Variants in EPG5 observed in about 807,000 individuals in gnomAD.
The protein encoded by EPG5 is ectopic P granules protein 5 homolog.
Under a neutral mutation model 302.7 loss-of-function variants are expected in EPG5, and 159 were observed. The ratio of observed to expected loss-of-function variants is 0.53; its 90% CI spans 0.46 to 0.60. The LOEUF (loss-of-function observed/expected upper bound fraction) is 0.60, where lower values mean the gene tolerates loss of function less well. Among genes scored for constraint, EPG5 ranks in the 20% least tolerant of loss-of-function variants. The probability of loss-of-function intolerance (pLI) is 0.00; values close to 1 mark genes in which losing one functional copy is unlikely to be tolerated. For synonymous variants in EPG5, 1,158 were observed against 1,136.8 expected, an observed-to-expected ratio of 1.02 and a Z score of -0.37; for missense variants, 2,896 against 3,092.4, an observed-to-expected ratio of 0.94 and a Z score of 1.51.
chr18:45,922,305 G>C, intron 16 of EPG5, 36 bp downstream of exon 16: 3 of 1,605,384 alleles, frequency 1.9e-6, no homozygotes, highest in Non-Finnish European at 2.6e-6. Flanking sequence ...TATCTGCAAG[G>C]TTCAGTAACC....
chr18:45,853,054 C>T (rs1046647740), intron 43 of EPG5, among the ~76,000 whole-genome samples: 4 of 152,242 alleles, frequency 2.6e-5, no homozygotes, highest in Non-Finnish European at 5.9e-5. Context: ...TTGTCCACTC[C>T]TTCCGTTCTA....
In EPG5 at chr18:45,889,797, C is replaced by A. The variant is rs2049301523; in HGVS notation, c.4952+1G>T. On this transcript the variant is annotated splice_donor_variant, in intron 28 of 43. Transcript: ENST00000282041. LOFTEE classifies it high-confidence loss of function. ...CAAATTATAATGCCTGCAAAACTTACGTGATCAAGTTTTCTGCATGTACAG... is the reference window on the plus strand; with the variant it reads ...CAAATTATAATGCCTGCAAAACTTAAGTGATCAAGTTTTCTGCATGTACAG... 2 of 1,597,872 alleles carry A rather than the reference C, an allele frequency of 1.3e-6. No individual in the cohort carries two copies. Among genetic ancestry groups the A allele is most frequent in the African/African-American group, 1.3e-5 (1 of 74,304 alleles).
At chr18:45,926,961 T>C (rs534050497) in intron 13 of EPG5, among the ~76,000 whole-genome samples, 6 of 152,194 alleles carry the variant, frequency 3.9e-5, no homozygotes, top group Middle Eastern at 3.4e-3. Context: ...AACTTCCTAC[T>C]GTATTGAACT....
At chr18:45,860,571 C>T (rs570316241) in intron 39 of EPG5, among the ~76,000 whole-genome samples, 1 of 152,242 alleles carries the variant, frequency 6.6e-6, no homozygotes, top group South Asian at 2.1e-4. Context: ...CTGTGAGTTC[C>T]CTGGGTACAG....
Position 45,911,108 on chromosome 18 carries a change from C to CATATAT in EPG5, c.3984-367_3984-366insATATAT, listed in dbSNP as rs1397587397. ...ACACACACACACACACACACACACA[C>CATATAT]ACATATATATATATATATACATTTT... On this transcript the variant is annotated intron_variant, in intron 22 of 43. Transcript: ENST00000282041. 1.6e-3 allele frequency among the ~76,000 whole-genome samples: 195 copies of CATATAT among 121,654 alleles called. 1 individual carries two copies. Among genetic ancestry groups the CATATAT allele is most frequent in the Middle Eastern group, 8.2e-3 (2 of 244 alleles). The allele number at this position is 121,654 out of a possible 152,430, so 79.8% of individuals were successfully genotyped here. A position where few individuals can be genotyped will look rare whatever the true frequency, so the allele number is the denominator to read the frequency against.
rs8090934 is a variant in EPG5, at chr18:45,946,806, T to C, written c.1572-38A>G. The stretch of plus-strand genomic sequence containing the variant: ...AATAATCACTCCCATCACTTAGATG[T>C]AGGCTACGTGAGTGCATTGTGGATT... On this transcript the variant is annotated intron_variant, in intron 6 of 43. Coordinates refer to ENST00000282041, the MANE Select transcript of EPG5 (RefSeq NM_020964.3). 7.4e-3 allele frequency: 11,125 copies of C among 1,504,720 alleles called. 465 individuals carry two copies. The African/African-American group carries it at 0.11, about 15-fold the overall frequency. The allele number at this position is 1,504,720 out of a possible 1,614,324, so 93.2% of individuals were successfully genotyped here.
chr18:45,964,952 T>TAA (rs1802110748), intron 1 of EPG5, among the ~76,000 whole-genome samples: 1 of 152,106 alleles, frequency 6.6e-6, no homozygotes, highest in Admixed American at 6.5e-5. Flanking sequence ...AAACTCTGTC[T>TAA]CAAAATAAAT....
rs533391467 is a variant in EPG5 at position 45,927,299 on chromosome 18, G to A, written c.2554-1397C>T. On this transcript the variant is annotated intron_variant, in intron 13 of 43. Coordinates refer to ENST00000282041, the MANE Select transcript of EPG5 (RefSeq NM_020964.3). ...CGTGATCCACCCGCCTCGGCCTCCC[G>A]AAGTGCTGGGATTACAGGCGTAAGC... 2.0e-3 allele frequency among the ~76,000 whole-genome samples: 300 copies of A among 152,094 alleles called. 2 individuals are homozygous for A. The highest frequency in any genetic ancestry group is 6.8e-3 in the African/African-American group (281 of 41,510).
the EPG5 span, among the ~76,000 whole-genome samples, chr18:45,836,398 G>C: frequency 6.6e-6 from 1 of 150,816 alleles, no homozygotes; most frequent in African/African-American, 2.5e-5. Flanking sequence ...TTTGTGAACT[G>C]CACCCTGGGG....
rs921048361 is a variant in EPG5 at position 45,912,286 on chromosome 18, A to G, written c.3983+4T>C. The G allele has an allele frequency of 3.2e-6, 5 of 1,578,150 alleles. No homozygotes were observed. In the African/African-American group the frequency reaches 6.9e-5, roughly 22 times the overall value. The stretch of plus-strand genomic sequence containing the variant: ...ACAGAAACCTACAATACTGGGCAGC[A>G]TACCCATACTGTGGTCCCGGACGGT... On this transcript the variant is annotated splice_donor_region_variant and intron_variant, in intron 22 of 43. Coordinates refer to ENST00000282041, the MANE Select transcript of EPG5 (RefSeq NM_020964.3).
the EPG5 span, among the ~76,000 whole-genome samples, chr18:45,817,202 C>T: frequency 6.6e-6 from 1 of 152,102 alleles, no homozygotes; most frequent in African/African-American, 2.4e-5. Flanking sequence ...CAAAATCTCA[C>T]AAATCACCAC....
At chr18:45,859,599 A>G (rs1434923521) in intron 40 of EPG5, among the ~76,000 whole-genome samples, 3 of 152,238 alleles carry the variant, frequency 2.0e-5, no homozygotes, top group South Asian at 2.1e-4. Context: ...AGAAAGTAAA[A>G]CAGATTTTTA....
At chr18:45,903,761 GAA>G (rs1235415165) in intron 25 of EPG5, among the ~76,000 whole-genome samples, 2 of 152,124 alleles carry the variant, frequency 1.3e-5, no homozygotes, top group Non-Finnish European at 2.9e-5. Flanking sequence ...GTTTATAAAA[GAA>G]AAAGACAGAC....
the EPG5 span, among the ~76,000 whole-genome samples, chr18:45,839,480 G>A: frequency 6.6e-6 from 1 of 152,128 alleles, no homozygotes; most frequent in Admixed American, 6.5e-5. Flanking sequence ...CTGTGTGGGT[G>A]CTAGGAATAC....
At chr18:45,914,397 G>A (rs141782934) in intron 20 of EPG5, among the ~76,000 whole-genome samples, 191 of 152,334 alleles carry the variant, frequency 1.3e-3, no homozygotes, top group African/African-American at 4.4e-3. Context: ...GGGAAGAAGA[G>A]CAAGAAGTAA....
rs1464308117 is a variant in EPG5, at chr18:45,894,322, C to T, written c.4810-4382G>A. Reference sequence around the variant, plus strand: ...TAAAAATACAAAAATTAGCTGGGCACGGTGGCACCTGCCTGTAATCCCGGC... The same window carrying T: ...TAAAAATACAAAAATTAGCTGGGCATGGTGGCACCTGCCTGTAATCCCGGC... On this transcript the variant is annotated intron_variant, in intron 27 of 43. Coordinates refer to ENST00000282041, the MANE Select transcript of EPG5 (RefSeq NM_020964.3). 2.0e-5 allele frequency among the ~76,000 whole-genome samples: 3 copies of T among 152,028 alleles called. No homozygotes were observed. In the South Asian group the frequency reaches 6.2e-4, roughly 32 times the overall value.
At chr18:45,866,744 C>T (rs2054546389) in intron 38 of EPG5, 54 bp downstream of exon 38, 1 of 1,386,138 alleles carries the variant, frequency 7.2e-7, no homozygotes, top group Non-Finnish European at 1.0e-6. Context: ...AGCACTTATG[C>T]TGCTACCAAT....
chr18:45,927,506 G>A (rs1277737154), intron 13 of EPG5, among the ~76,000 whole-genome samples: 1 of 151,388 alleles, frequency 6.6e-6, no homozygotes. Context: ...TGGTACATCC[G>A]CATTCACAGA....
rs1245545639 is a variant in EPG5 at position 45,866,884 on chromosome 18, C to T, written c.6535G>A (p.Ala2179Thr). 1 of 1,614,020 alleles carries T rather than the reference C, an allele frequency of 6.2e-7. No homozygotes were observed. The highest frequency in any genetic ancestry group is 1.3e-5 in the African/African-American group (1 of 74,904). Residue 2179 changes from alanine to threonine, a missense_variant, in exon 38 of 44, where the codon GCA becomes ACA. Around this residue, in one of 5 missense-constraint regions of EPG5, gnomAD observed 620 missense variants for 704.2 expected, o/e 0.88. Coordinates refer to ENST00000282041, the MANE Select transcript of EPG5 (RefSeq NM_020964.3). Reference protein sequence around the residue: ...SSHYPPSIILAKESYAELIMK... With the variant: ...SSHYPPSIILTKESYAELIMK... ...ATTAATTCAGCATAAGATTCTTTTG[C>T]CAGGATGATGGACGGCGGGTAATGG... is the stretch of plus-strand genomic sequence containing the variant.
Sources: gnomAD v4.1 joint callset for allele counts (sites outside exome capture counted in the v4.1 genomes callset) on GRCh38, gnomAD v4.1.1 for gene constraint, gnomAD v4.1.1 regional missense constraint, MANE v1.5 for transcripts, NCBI Gene and HGNC (gene_info 2026-07-23, HGNC 2026-07-21) for gene names.